Variants in HORMAD2 observed in about 807,000 individuals in gnomAD.
HORMAD2 encodes HORMA domain containing 2, also known as HORMA domain-containing protein 2.
In HORMAD2, 45 loss-of-function variants were observed where a neutral mutation model predicts 38.8. The ratio of observed to expected loss-of-function variants is 1.16; its 90% CI spans 0.91 to 1.49. The LOEUF is 1.49. Among genes scored for constraint, HORMAD2 ranks in the 40% most tolerant of loss-of-function variants. The probability of loss-of-function intolerance (pLI) is 0.00; values close to 1 mark genes in which losing one functional copy is unlikely to be tolerated. For missense variants in HORMAD2, 338 were observed against 367.0 expected, an observed-to-expected ratio of 0.92 and a Z score of 0.65; for synonymous variants, 126 against 122.8, an observed-to-expected ratio of 1.03 and a Z score of -0.17.
chr22:30,161,573 T>G (rs1282026050), intron 10 of HORMAD2, among the ~76,000 whole-genome samples: 1 of 152,240 alleles, frequency 6.6e-6, no homozygotes, highest in Non-Finnish European at 1.5e-5. Context: ...ATGTATTTAA[T>G]GTATCCACCT....
At chr22:30,166,572 G>A (rs1228679747) in intron 10 of HORMAD2, among the ~76,000 whole-genome samples, 1 of 152,202 alleles carries the variant, frequency 6.6e-6, no homozygotes, top group Non-Finnish European at 1.5e-5. Context: ...AGGTAGTGTA[G>A]CAAAGAATTA....
intron 10 of HORMAD2, among the ~76,000 whole-genome samples, chr22:30,129,288 G>A (rs1342982285): frequency 7.7e-6 from 1 of 129,434 alleles, no homozygotes; most frequent in East Asian, 2.5e-4. Flanking sequence ...GCCCTGCTAA[G>A]CACTGTGAGG....
chr22:30,113,276 C>T (rs1044804840), intron 7 of HORMAD2, among the ~76,000 whole-genome samples: 9 of 151,354 alleles, frequency 5.9e-5, no homozygotes, highest in African/African-American at 9.7e-5. Context: ...GATGGAGTCT[C>T]GCTCTGTTAC....
At chr22:30,095,227 AAT>A (rs1432741876) in intron 2 of HORMAD2, among the ~76,000 whole-genome samples, 2 of 152,214 alleles carry the variant, frequency 1.3e-5, no homozygotes, top group Non-Finnish European at 2.9e-5. Context: ...ACTTAAATCA[AAT>A]ATTTTGTCAG....
intron 10 of HORMAD2, 84 bp from the exon 11 acceptor site, chr22:30,175,979 T>G: frequency 1.1e-6 from 1 of 892,312 alleles, no homozygotes; most frequent in Non-Finnish European, 1.8e-6. Flanking sequence ...GAGGGATTAA[T>G]GCTTGGTCTA....
chr22:30,103,852 G>A (rs1047341290), intron 4 of HORMAD2, among the ~76,000 whole-genome samples: 2 of 151,244 alleles, frequency 1.3e-5, no homozygotes, highest in Admixed American at 1.3e-4. Context: ...AGTAGAGACA[G>A]GGTTTCACCA....
At chr22:30,173,013 G>A (rs1926210110) in intron 10 of HORMAD2, among the ~76,000 whole-genome samples, 1 of 152,170 alleles carries the variant, frequency 6.6e-6, no homozygotes, top group South Asian at 2.1e-4. Context: ...CAGCTGTGGG[G>A]GTGTCAGGGA....
chr22:30,188,844 A>G, the HORMAD2 span, among the ~76,000 whole-genome samples: 3 of 152,274 alleles, frequency 2.0e-5, no homozygotes, highest in East Asian at 5.8e-4. Context: ...AATTTTAAAA[A>G]TGAAATTTGG....
chr22:30,094,133 A>G (rs1464847050), intron 2 of HORMAD2, 130 bp downstream of exon 2: 1 of 634,442 alleles, frequency 1.6e-6, no homozygotes, highest in African/African-American at 1.9e-5. Context: ...ATATTCTGGG[A>G]GAGTATGTGT....
chr22:30,191,433 G>T, the HORMAD2 span, among the ~76,000 whole-genome samples: 1 of 152,138 alleles, frequency 6.6e-6, no homozygotes. Flanking sequence ...TGTGGCAGGT[G>T]GGGGACTCCA....
At chr22:30,094,081 G>A (rs899507171) in intron 2 of HORMAD2, 78 bp downstream of exon 2, 2 of 1,091,008 alleles carry the variant, frequency 1.8e-6, no homozygotes, top group Non-Finnish European at 2.7e-6. Flanking sequence ...TCTTTTGTGT[G>A]TGTGTTTTTA....
chr22:30,193,069 G>GA, the HORMAD2 span, among the ~76,000 whole-genome samples: 3 of 152,222 alleles, frequency 2.0e-5, no homozygotes, highest in South Asian at 6.2e-4. Flanking sequence ...ATGATAGACC[G>GA]AAAAAAGCAG....
At chr22:30,132,149 C>T (rs1032156582) in intron 10 of HORMAD2, among the ~76,000 whole-genome samples, 3 of 152,198 alleles carry the variant, frequency 2.0e-5, no homozygotes, top group African/African-American at 7.2e-5. Context: ...TTCATAGCAT[C>T]ACATCTCCTG....
chr22:30,086,285 CCTTT>C (rs2068570293), intron 1 of HORMAD2, among the ~76,000 whole-genome samples: 1 of 152,122 alleles, frequency 6.6e-6, no homozygotes, highest in South Asian at 2.1e-4. Context: ...CATTTAAACC[CCTTT>C]CTTTATAAAT....
chr22:30,127,852 A>G (rs1922993787), intron 10 of HORMAD2, among the ~76,000 whole-genome samples: 1 of 152,172 alleles, frequency 6.6e-6, no homozygotes, highest in African/African-American at 2.4e-5. Context: ...CCCAACCAGG[A>G]ATATGTTCAA....
chr22:30,178,436 G>A (rs1926571447), downstream of HORMAD2, among the ~76,000 whole-genome samples: 3 of 152,226 alleles, frequency 2.0e-5, no homozygotes, highest in Admixed American at 2.0e-4. Context: ...GGCACACACG[G>A]AAGGAGATCT....
At chr22:30,132,802 C>A (rs1022618267) in intron 10 of HORMAD2, among the ~76,000 whole-genome samples, 1 of 152,022 alleles carries the variant, frequency 6.6e-6, no homozygotes, top group African/African-American at 2.4e-5. Context: ...AGAATTACTT[C>A]TTTCCTTTTG....
At chr22:30,095,709 C>T (rs2068769865) in intron 2 of HORMAD2, among the ~76,000 whole-genome samples, 1 of 152,186 alleles carries the variant, frequency 6.6e-6, no homozygotes, top group Non-Finnish European at 1.5e-5. Context: ...GATTTTCATA[C>T]TTTGGAAATG....
intron 10 of HORMAD2, among the ~76,000 whole-genome samples, chr22:30,144,645 C>T (rs774873447): frequency 6.6e-6 from 1 of 151,872 alleles, no homozygotes; most frequent in Non-Finnish European, 1.5e-5. Flanking sequence ...GGACAGTAGA[C>T]TCAGATCTTC....
Sources: gnomAD v4.1 joint callset for allele counts (sites outside exome capture counted in the v4.1 genomes callset) on GRCh38, gnomAD v4.1.1 for gene constraint, MANE v1.5 for transcripts, NCBI Gene and HGNC (gene_info 2026-07-23, HGNC 2026-07-21) for gene names.